Variants in TMPRSS15 observed in about 807,000 individuals in gnomAD.
TMPRSS15 encodes the protein enteropeptidase.
Under a neutral mutation model 125.3 loss-of-function variants are expected in TMPRSS15, and 128 were observed. That is an observed-to-expected ratio of 1.02 (90% CI 0.89 to 1.18). The LOEUF is 1.18. Ranked by LOEUF, TMPRSS15 falls within the 50% of genes most tolerant of loss-of-function variation. The pLI is 0.00. For synonymous variants in TMPRSS15, 446 were observed against 423.2 expected (o/e 1.05, Z -0.66); for missense variants, 1,283 against 1,212.7 (o/e 1.06, Z -0.86).
At chr21:18,365,312 C>T in intron 6 of TMPRSS15, 64 bp from the exon 7 acceptor site, 2 of 1,250,628 alleles carry the variant, frequency 1.6e-6, no homozygotes, top group African/African-American at 1.5e-5. Context: ...GGCTGCAAAA[C>T]ATTTCACAGA....
chr21:18,438,987 G>A (rs1311159722), intron 1 of TMPRSS15, among the ~76,000 whole-genome samples: 1 of 152,006 alleles, frequency 6.6e-6, no homozygotes, highest in Non-Finnish European at 1.5e-5. Flanking sequence ...ATTAATCAGG[G>A]CTCTGAATTC....
At chr21:18,415,257 A>G (rs1385291795) in intron 1 of TMPRSS15, among the ~76,000 whole-genome samples, 1 of 152,064 alleles carries the variant, frequency 6.6e-6, no homozygotes. Flanking sequence ...TTTGAAATGT[A>G]TCCCTTATCA....
At chr21:18,272,894 A>C (rs1308792019) in intron 24 of TMPRSS15, among the ~76,000 whole-genome samples, 1 of 152,158 alleles carries the variant, frequency 6.6e-6, no homozygotes, top group Non-Finnish European at 1.5e-5. Context: ...GTCTGAGTGC[A>C]AGGGTTGGTG....
chr21:18,302,735 A>C (rs2074986989), intron 18 of TMPRSS15, among the ~76,000 whole-genome samples: 1 of 152,242 alleles, frequency 6.6e-6, no homozygotes, highest in African/African-American at 2.4e-5. Context: ...TGGTATTACA[A>C]AGGAAAGAAA....
At chr21:18,379,258 T>A (rs1413202056) in intron 5 of TMPRSS15, 25 bp downstream of exon 5, 7 of 1,220,908 alleles carry the variant, frequency 5.7e-6, no homozygotes, top group South Asian at 5.3e-5. Flanking sequence ...TTTCAAAAAA[T>A]AATAATAATA....
intron 3 of TMPRSS15, among the ~76,000 whole-genome samples, chr21:18,396,066 C>T (rs192146253): frequency 3.3e-5 from 5 of 152,264 alleles, no homozygotes; most frequent in African/African-American, 1.2e-4. Flanking sequence ...AGATGGCCAG[C>T]TGTAACTAAA....
At chr21:18,407,622 T>TC (rs1218522501), upstream of TMPRSS15, among the ~76,000 whole-genome samples, 1 of 151,936 alleles carries the variant, frequency 6.6e-6, no homozygotes, top group Non-Finnish European at 1.5e-5. Flanking sequence ...AATTTTCTCT[T>TC]CCCCCGCTTT....
At chr21:18,379,852 C>T (rs1037111144) in intron 4 of TMPRSS15, among the ~76,000 whole-genome samples, 1 of 151,894 alleles carries the variant, frequency 6.6e-6, no homozygotes, top group Non-Finnish European at 1.5e-5. Context: ...TGAAATAGGT[C>T]ATGTTTGTAA....
At chr21:18,464,947 G>A (rs2122955044) in intron 1 of TMPRSS15, among the ~76,000 whole-genome samples, 1 of 152,234 alleles carries the variant, frequency 6.6e-6, no homozygotes, top group African/African-American at 2.4e-5. Flanking sequence ...ACCTGGCAGA[G>A]ACACAAGAAA....
intron 6 of TMPRSS15, among the ~76,000 whole-genome samples, chr21:18,366,998 ATG>A (rs2075744261): frequency 2.0e-5 from 3 of 152,176 alleles, no homozygotes; most frequent in African/African-American, 7.2e-5. Context: ...TTAAAATATC[ATG>A]TGTTTATTGG....
intron 13 of TMPRSS15, among the ~76,000 whole-genome samples, chr21:18,336,178 G>GAAGAGCCTA (rs1466731226): frequency 6.6e-6 from 1 of 152,068 alleles, no homozygotes; most frequent in Non-Finnish European, 1.5e-5. Flanking sequence ...GTGGAAAAGA[G>GAAGAGCCTA]AAGAGCCTAG....
chr21:18,374,187 CAAT>C (rs1287989772), intron 5 of TMPRSS15, among the ~76,000 whole-genome samples: 3 of 152,122 alleles, frequency 2.0e-5, no homozygotes, highest in Admixed American at 1.3e-4. Context: ...AAGAGTACAT[CAAT>C]AGGCCGGGCG....
chr21:18,341,479 C>T lies in TMPRSS15; in HGVS notation c.1498G>A (p.Gly500Arg). The T allele has an allele frequency of 6.2e-7, 1 of 1,614,116 alleles. No individual in the cohort carries two copies. The highest frequency in any genetic ancestry group is 8.5e-7 in the Non-Finnish European group (1 of 1,179,994). Residue 500 changes from glycine to arginine, a missense_variant, in exon 13 of 25, where the codon GGG (glycine) becomes AGG (arginine). By Grantham distance (125) the Gly-to-Arg change is moderately radical. Coordinates refer to ENST00000284885, the MANE Select transcript of TMPRSS15 (RefSeq NM_002772.3). ...IALDDISLTY[G>R]ICNGSLYPEP... ...GGATAAAGACTCCCATTGCAAATCC[C>T]ATATGTTAGGCTAATGTCATCCAAC...
In TMPRSS15 at chr21:18,332,159, G is replaced by T. The variant is rs367925854; in HGVS notation, c.1579C>A (p.Pro527Thr). Reference protein sequence around the residue: ...PPELPTDCGGPFELWEPNTTF... With the variant: ...PPELPTDCGGTFELWEPNTTF... The stretch of plus-strand genomic sequence containing the variant: ...GTATTTGGCTCCCACAGCTCAAAAG[G>T]TCCTCCACAGTCCGCTGAAAAGGAA... The change falls in exon 14 of 25, where the codon CCT (proline) becomes ACT (threonine). Residue 527 changes from proline (P) to threonine (T), a missense_variant. Pro to Thr is a conservative substitution (Grantham distance 38, BLOSUM62 -1). Coordinates refer to ENST00000284885, the MANE Select transcript of TMPRSS15 (RefSeq NM_002772.3). The T allele has an allele frequency of 6.2e-7, 1 of 1,614,016 alleles. No homozygotes were observed. The highest frequency in any genetic ancestry group is 8.5e-7 in the Non-Finnish European group (1 of 1,179,882).
chr21:18,365,685 TCCTTCCTTCCTTCCTA>T (rs1222824418), intron 6 of TMPRSS15, among the ~76,000 whole-genome samples: 21 of 140,530 alleles, frequency 1.5e-4, no homozygotes, highest in African/African-American at 5.1e-4. Context: ...CTTCCTTCCT[TCCTTCCTTCCTTCCTA>T]CCTTCTCTCT....
intron 23 of TMPRSS15, among the ~76,000 whole-genome samples, chr21:18,278,353 A>G (rs1209414915): frequency 1.3e-5 from 2 of 151,160 alleles, no homozygotes; most frequent in Non-Finnish European, 2.9e-5. Context: ...GGTTGGGGAC[A>G]CTTGAATTCC....
chr21:18,269,827 C>T lies in TMPRSS15; in HGVS notation c.*142G>A. The T allele has an allele frequency of 1.0e-6, 1 of 976,052 alleles. No homozygotes were observed. Among genetic ancestry groups the T allele is most frequent in the Non-Finnish European group, 1.5e-6 (1 of 657,920 alleles). The allele number at this position is 976,052 out of a possible 1,614,324, so 60.5% of individuals were successfully genotyped here. On this transcript the variant is annotated 3_prime_UTR_variant, in exon 25 of 25. Transcript: ENST00000284885. ...TATTTTTAAAATTTTGTTTCCCTGG[C>T]CCCCTAGCATTTCATTGACATAGGT...
At chr21:18,331,210 T>C (rs1389952469) in intron 14 of TMPRSS15, among the ~76,000 whole-genome samples, 1 of 152,202 alleles carries the variant, frequency 6.6e-6, no homozygotes, top group Non-Finnish European at 1.5e-5. Flanking sequence ...TATATGCACC[T>C]ATGAAAGTGA....
At position 18,343,786 on chromosome 21, in the gene TMPRSS15, G is replaced by A. The variant is rs1033108332; in HGVS notation, c.1278-130C>T. On this transcript the variant is annotated intron_variant, in intron 11 of 24. Coordinates refer to ENST00000284885, the MANE Select transcript of TMPRSS15 (RefSeq NM_002772.3). ...CCTTCTGGGTTTTGGAGTTGCTGGG[G>A]ATGGGGAGAGGTGTCTATCAATGTT... 8.4e-6 allele frequency: 10 copies of A among 1,196,754 alleles called. No homozygotes were observed. In the South Asian group the frequency reaches 8.9e-5, roughly 11 times the overall value. 74.1% of individuals were successfully genotyped at this position (1,196,754 alleles called of 1,614,324 possible). A position where few individuals can be genotyped will look rare whatever the true frequency, so the allele number is the denominator to read the frequency against.
Sources: gnomAD v4.1 joint callset for allele counts (sites outside exome capture counted in the v4.1 genomes callset) on GRCh38, gnomAD v4.1.1 for gene constraint, MANE v1.5 for transcripts, NCBI Gene and HGNC (gene_info 2026-07-23, HGNC 2026-07-21) for gene names.